RASGRF1: variants seen among roughly 807,000 people sequenced by gnomAD.
The protein encoded by RASGRF1 is ras-specific guanine nucleotide-releasing factor 1.
RASGRF1 carries 40 observed loss-of-function variants against 138.7 expected under a neutral mutation model. That is an observed-to-expected ratio of 0.29 (90% CI 0.22 to 0.38). The LOEUF (loss-of-function observed/expected upper bound fraction) is 0.38. Ranked by LOEUF, RASGRF1 falls within the 10% of genes least tolerant of loss-of-function variation. The pLI, the probability that RASGRF1 is intolerant of heterozygous loss-of-function variation, is 1.00. For missense variants in RASGRF1, 1,108 were observed against 1,650.4 expected, an observed-to-expected ratio of 0.67 and a Z score of 5.69; for synonymous variants, 614 against 663.2, an observed-to-expected ratio of 0.93 and a Z score of 1.14.
intron 18 of RASGRF1, 80 bp downstream of exon 18, chr15:78,998,639 C>G (rs2304995): frequency 0.055 from 67,765 of 1,236,522 alleles, 3,096 homozygotes; most frequent in African/African-American, 0.2. Context: ...CTGCCCGCAG[C>G]TGCTTTTGGA....
intron 3 of RASGRF1, among the ~76,000 whole-genome samples, chr15:79,055,756 C>G (rs1415165694): frequency 1.3e-5 from 2 of 152,208 alleles, no homozygotes; most frequent in Non-Finnish European, 2.9e-5. Context: ...AACCAATTTC[C>G]TGACTTGGGT....
At position 79,006,500 on chromosome 15, in the gene RASGRF1, CCT is replaced by C; in HGVS notation, c.1827-68_1827-67del. 6.5e-7 allele frequency: 1 copy of C among 1,541,698 alleles called. No individual in the cohort carries two copies. The highest frequency in any genetic ancestry group is 8.8e-7 in the Non-Finnish European group (1 of 1,140,800). On this transcript the variant is annotated intron_variant, in intron 13 of 26. Transcript: ENST00000558480. This position sits in a 1 kb window ranked among gnomAD's most constrained non-coding sequence, Gnocchi z 4.0. ...AGGCATCTGAATGGCACCCACCAGG[CCT>C]GCTCATCACTGCTTCCCCCACACAC...
intron 1 of RASGRF1, among the ~76,000 whole-genome samples, chr15:79,069,787 CT>C (rs2141075023): frequency 6.6e-6 from 1 of 152,320 alleles, no homozygotes; most frequent in African/African-American, 2.4e-5. Flanking sequence ...AGGCCTTGAT[CT>C]TTGTCTGCCT....
intron 1 of RASGRF1, among the ~76,000 whole-genome samples, chr15:79,078,624 C>G (rs1312611149): frequency 6.6e-6 from 1 of 152,164 alleles, no homozygotes; most frequent in East Asian, 1.9e-4. Context: ...ACTCATACCC[C>G]CTACCTCTCC....
intron 3 of RASGRF1, 123 bp downstream of exon 3, chr15:79,058,211 T>A (rs532549966): frequency 1.9e-4 from 264 of 1,414,954 alleles, no homozygotes; most frequent in Non-Finnish European, 2.3e-4. Context: ...AAGTTTGGAG[T>A]CTGGAAGAAC....
intron 8 of RASGRF1, among the ~76,000 whole-genome samples, chr15:79,028,155 CA>C (rs1020940066): frequency 5.6e-4 from 85 of 152,318 alleles, no homozygotes; most frequent in Middle Eastern, 3.4e-3. Flanking sequence ...TCAGATTTTA[CA>C]GTCTGAACTA....
chr15:78,986,195 C>T (rs2141642679), intron 22 of RASGRF1, among the ~76,000 whole-genome samples: 1 of 152,222 alleles, frequency 6.6e-6, no homozygotes, highest in East Asian at 1.9e-4. Context: ...AAACATGACA[C>T]ACACATGAAC....
chr15:79,058,197 T>A, intron 3 of RASGRF1, 137 bp downstream of exon 3: 1 of 1,312,372 alleles, frequency 7.6e-7, no homozygotes, highest in Non-Finnish European at 1.0e-6. Flanking sequence ...TACCACCACG[T>A]CCTAAGTTTG....
At chr15:79,070,963 A>C (rs1461535118) in intron 1 of RASGRF1, among the ~76,000 whole-genome samples, 1 of 152,220 alleles carries the variant, frequency 6.6e-6, no homozygotes, top group South Asian at 2.1e-4. Flanking sequence ...GCATAGGAGC[A>C]TGTCAAGGCT....
rs2055823532 is a variant in RASGRF1, at chr15:78,973,982, T to A, written c.3495-562A>T. ...GCCAGGGCAGGAAACCCTTGCTCTC[T>A]GAGATCACTTTCCTGAAAGTGGCTT... On this transcript the variant is annotated intron_variant, in intron 24 of 26. Transcript: ENST00000558480. This position sits in a 1 kb window ranked among gnomAD's most constrained non-coding sequence, Gnocchi z 4.9. Among the ~76,000 whole-genome samples, 1 of 152,200 alleles carries A rather than the reference T, an allele frequency of 6.6e-6. No individual in the cohort carries two copies. Among genetic ancestry groups the A allele is most frequent in the African/African-American group, 2.4e-5 (1 of 41,450 alleles).
At chr15:78,972,148 T>G (rs1433224569) in intron 25 of RASGRF1, among the ~76,000 whole-genome samples, 2 of 152,132 alleles carry the variant, frequency 1.3e-5, no homozygotes, top group Non-Finnish European at 2.9e-5. Context: ...CAGGCTGGAG[T>G]GCAGTGGCGT....
chr15:79,043,407 G>A (rs1030038450), intron 5 of RASGRF1, among the ~76,000 whole-genome samples: 6 of 152,098 alleles, frequency 3.9e-5, no homozygotes, highest in African/African-American at 1.4e-4. Context: ...TTCTTGCAGG[G>A]TGCATTATTA....
At chr15:79,041,328 A>T (rs1415555149) in intron 5 of RASGRF1, among the ~76,000 whole-genome samples, 1 of 152,222 alleles carries the variant, frequency 6.6e-6, no homozygotes, top group Non-Finnish European at 1.5e-5. Flanking sequence ...GTGCAATGCG[A>T]ATGGTGCTCC....
At chr15:79,024,477 C>T (rs985612050) in intron 10 of RASGRF1, among the ~76,000 whole-genome samples, 1 of 151,962 alleles carries the variant, frequency 6.6e-6, no homozygotes, top group African/African-American at 2.4e-5. Context: ...TACATACATA[C>T]TGATATGGTT....
At position 79,059,987 on chromosome 15, in the gene RASGRF1, CACAG is replaced by C. The variant is rs1352348424; in HGVS notation, c.384-1510_384-1507del. Among the ~76,000 whole-genome samples the C allele has an allele frequency of 1.0e-2, 153 of 15,364 alleles. 3 individuals carry two copies. The East Asian group carries it at 0.27, about 27-fold the overall frequency. The allele number at this position is 15,364 out of a possible 152,430, so 10.1% of individuals were successfully genotyped here. ...ACTCACACACACACACACACAGACA[CACAG>C]ACACACACACACACACACACACACA... On this transcript the variant is annotated intron_variant, in intron 2 of 26. Coordinates refer to ENST00000558480, the MANE Select transcript of RASGRF1 (RefSeq NM_001145648.3).
intron 11 of RASGRF1, among the ~76,000 whole-genome samples, chr15:79,018,786 G>T (rs2140977066): frequency 6.6e-6 from 1 of 152,236 alleles, no homozygotes; most frequent in African/African-American, 2.4e-5. Flanking sequence ...CCTGTGTGTG[G>T]GTGTGTTTCA....
chr15:78,997,974 G>A (rs2056431911), intron 19 of RASGRF1, 122 bp downstream of exon 19: 1 of 782,832 alleles, frequency 1.3e-6, no homozygotes, highest in African/African-American at 1.7e-5. Context: ...CTCCTACTTG[G>A]GGCTGTCCTT....
intron 1 of RASGRF1, among the ~76,000 whole-genome samples, chr15:79,067,862 T>C (rs1008180255): frequency 2.0e-5 from 3 of 151,676 alleles, no homozygotes; most frequent in African/African-American, 7.3e-5. Context: ...CAGAGTATAA[T>C]CCACTGGGAA....
In RASGRF1 at chr15:79,059,204, TTTCCCTTCCCTTCCCTATCCTTCCC is replaced by T. The variant is rs1567594346; in HGVS notation, c.384-748_384-724del. ...CTTCCCTTCCCTTTCCTTCCCTATC[TTTCCCTTCCCTTCCCTATCCTTCCC>T]TTCCCTTCCCTTCCCTTCCCTATCC... On this transcript the variant is annotated intron_variant, in intron 2 of 26. Coordinates refer to ENST00000558480, the MANE Select transcript of RASGRF1 (RefSeq NM_001145648.3). 3.2e-3 allele frequency among the ~76,000 whole-genome samples: 223 copies of T among 70,724 alleles called. 3 individuals carry two copies. Among genetic ancestry groups the T allele is most frequent in the African/African-American group, 0.013 (209 of 16,514 alleles). 46.4% of individuals were successfully genotyped at this position (70,724 alleles called of 152,430 possible).
Sources: gnomAD v4.1 joint callset for allele counts (sites outside exome capture counted in the v4.1 genomes callset) on GRCh38, gnomAD v4.1.1 for gene constraint, Gnocchi (gnomAD v3.1) non-coding constraint, MANE v1.5 for transcripts, NCBI Gene and HGNC (gene_info 2026-07-23, HGNC 2026-07-21) for gene names.